PLXNA1: variants seen among roughly 807,000 people sequenced by gnomAD.
PLXNA1 encodes the protein plexin-A1.
Under a neutral mutation model 191.7 loss-of-function variants are expected in PLXNA1, and 77 were observed. That is an observed-to-expected ratio of 0.40 (90% confidence interval 0.33 to 0.49). PLXNA1 has a LOEUF of 0.49. Among genes scored for constraint, PLXNA1 ranks in the 20% least tolerant of loss-of-function variants. PLXNA1 has a pLI of 0.63. For synonymous variants in PLXNA1, 1,137 were observed against 1,156.4 expected, an observed-to-expected ratio of 0.98 and a Z score of 0.34; for missense variants, 2,110 against 2,660.2, an observed-to-expected ratio of 0.79 and a Z score of 4.55.
intron 15 of PLXNA1, among the ~76,000 whole-genome samples, chr3:127,016,277 C>T (rs1385776310): frequency 6.6e-6 from 1 of 152,132 alleles, no homozygotes; most frequent in East Asian, 1.9e-4. Context: ...GGAGAGGCGG[C>T]AGGCCGGGTC....
At chr3:127,020,684 C>G (rs1429168245) in intron 21 of PLXNA1, among the ~76,000 whole-genome samples, 1 of 152,230 alleles carries the variant, frequency 6.6e-6, no homozygotes, top group Non-Finnish European at 1.5e-5. Context: ...ACTTGTCAGC[C>G]TGGGCTTCTG....
chr3:127,022,804 T>C lies in PLXNA1; in HGVS notation c.4348T>C (p.Tyr1450His), dbSNP rs1312579273. 1.9e-6 allele frequency: 3 copies of C among 1,613,886 alleles called. No individual in the cohort carries two copies. Among genetic ancestry groups the C allele is most frequent in the African/African-American group, 1.3e-5 (1 of 75,030 alleles). ...AACTAACTGGTTCACCTTCCTCTTG[T>C]ATAAGTTCCTCAAGGTAAGCAGAGG... Reference protein sequence around the residue: ...MLTNWFTFLLYKFLKECAGEP... With the variant: ...MLTNWFTFLLHKFLKECAGEP... The change falls in exon 23 of 32, where the codon TAT (tyrosine) becomes CAT (histidine). Residue 1450 changes from tyrosine to histidine, a missense_variant. Physicochemically the swap from Tyr to His is moderately conservative, Grantham distance 83 (BLOSUM62 2). Around this residue, in one of 4 missense-constraint regions of PLXNA1, gnomAD observed 559 missense variants for 911.5 expected, o/e 0.61. Transcript: ENST00000393409.
Position 127,037,036 on chromosome 3 carries a change from G to C in PLXNA1, c.*3019G>C, listed in dbSNP as rs374309007. The stretch of plus-strand genomic sequence containing the variant: ...AGAGCCCGGAGCGGCGTGCCATCTC[G>C]GCTCGGCCTTGCTGAGAGCCTCCGC... On this transcript the variant is annotated 3_prime_UTR_variant, in exon 32 of 32. Transcript: ENST00000393409. 1 of 152,388 alleles carries C rather than the reference G, an allele frequency of 6.6e-6. No individual in the cohort carries two copies. Among genetic ancestry groups the C allele is most frequent in the Non-Finnish European group, 1.5e-5 (1 of 68,052 alleles). 9.4% of individuals were successfully genotyped at this position (152,388 alleles called of 1,614,324 possible).
rs1383714754 is a variant in PLXNA1, at chr3:127,029,523, C to G, written c.4857C>G (p.Ser1619=). 2 of 1,613,884 alleles carry G rather than the reference C, an allele frequency of 1.2e-6. No homozygotes were observed. Among genetic ancestry groups the G allele is most frequent in the Admixed American group, 3.3e-5 (2 of 60,026 alleles). ...CCAACTCCTCCACCTTCACCAAGTC[C>G]CTCAGCAGATACGGTGAGGGGCCAG... is the stretch of plus-strand genomic sequence containing the variant. ...NISNSSTFTK[S]LSRYESMLRT... is the part of the protein sequence containing the mutation. Residue 1619 remains serine, a synonymous_variant, in exon 27 of 32, where the codon TCC becomes TCG. Transcript: ENST00000393409.
intron 23 of PLXNA1, among the ~76,000 whole-genome samples, chr3:127,023,137 G>A (rs762686984): frequency 3.3e-5 from 5 of 152,204 alleles, no homozygotes; most frequent in Non-Finnish European, 7.3e-5. Flanking sequence ...GGGCCTCTGA[G>A]GGGCCAGCCT....
chr3:127,018,351 C>T lies in PLXNA1; in HGVS notation c.3718C>T (p.Leu1240=). The change falls in exon 20 of 32, where the codon CTG becomes TTG. Residue 1240 remains leucine (L), a synonymous_variant. Transcript: ENST00000393409. ...GACACTGCAGGTGTACTCGGACAGC[C>T]TGCTGACGCTGCCTGCCATTGTGGG... ...PGTLQVYSDS[L]LTLPAIVGIG... 1 of 1,612,942 alleles carries T rather than the reference C, an allele frequency of 6.2e-7. No individual in the cohort carries two copies. The highest frequency in any genetic ancestry group is 8.5e-7 in the Non-Finnish European group (1 of 1,179,960).
At position 126,988,127 on chromosome 3, in the gene PLXNA1, G is replaced by A. The variant is rs143063237; in HGVS notation, c.-73-394G>A. Among the ~76,000 whole-genome samples, 394 of 152,246 alleles carry A rather than the reference G, an allele frequency of 2.6e-3. 3 individuals are homozygous for A. The highest frequency in any genetic ancestry group is 2.8e-3 in the Non-Finnish European group (189 of 67,982). ...CCCTGGGAGTACAGAGCTGTGGGGAGGGTCCTGCTCCCCAGTGCATAGGGA... is the reference window on the plus strand; with the variant it reads ...CCCTGGGAGTACAGAGCTGTGGGGAAGGTCCTGCTCCCCAGTGCATAGGGA... On this transcript the variant is annotated intron_variant, in intron 1 of 31. Coordinates refer to ENST00000393409, the MANE Select transcript of PLXNA1 (RefSeq NM_032242.4).
chr3:127,011,846 T>G, intron 9 of PLXNA1, 112 bp from the exon 10 acceptor site: 1 of 1,013,534 alleles, frequency 9.9e-7, no homozygotes, highest in Non-Finnish European at 1.5e-6. Context: ...AATGGGCACA[T>G]TGGTGCTTGG....
chr3:127,033,195 C>T (rs1277907670), intron 31 of PLXNA1, among the ~76,000 whole-genome samples: 4 of 152,214 alleles, frequency 2.6e-5, no homozygotes, highest in South Asian at 2.1e-4. Context: ...GGCATAGGCT[C>T]TTGGCAGAGC....
rs567923965 is a variant in PLXNA1 at position 126,983,845 on chromosome 3, C to T, written c.-74+558C>T. 6.6e-3 allele frequency among the ~76,000 whole-genome samples: 1,009 copies of T among 152,088 alleles called. 7 individuals carry two copies. Among genetic ancestry groups the T allele is most frequent in the Non-Finnish European group, 0.011 (739 of 67,924 alleles). On this transcript the variant is annotated intron_variant, in intron 1 of 31. Transcript: ENST00000393409. ...GAGCCTCCCAGCAGGGCCGCGGGGG[C>T]CGGAGGAGGTCGTGCAGGCTAAGCC...
In PLXNA1 at chr3:127,037,068, T is replaced by G. The variant is rs931489890; in HGVS notation, c.*3051T>G. ...CCTTGCTGAGAGCCTCCGCCCTGGC[T>G]TTCTCCCTGTCTGGATTCAGTGGCT... On this transcript the variant is annotated 3_prime_UTR_variant, in exon 32 of 32. Coordinates refer to ENST00000393409, the MANE Select transcript of PLXNA1 (RefSeq NM_032242.4). 2 of 152,478 alleles carry G rather than the reference T, an allele frequency of 1.3e-5. No homozygotes were observed. The highest frequency in any genetic ancestry group is 2.9e-5 in the Non-Finnish European group (2 of 68,052). 9.4% of individuals were successfully genotyped at this position (152,478 alleles called of 1,614,324 possible).
At chr3:126,983,340 G>C (rs1451527288) in intron 1 of PLXNA1, among the ~76,000 whole-genome samples, 53 bp downstream of exon 1, 1 of 144,854 alleles carries the variant, frequency 6.9e-6, no homozygotes, top group Non-Finnish European at 1.5e-5. Context: ...CGGGGGCCGG[G>C]CCGGGCTGGG....
chr3:127,013,044 G>A (rs1219935221), intron 10 of PLXNA1, among the ~76,000 whole-genome samples: 1 of 152,218 alleles, frequency 6.6e-6, no homozygotes, highest in Non-Finnish European at 1.5e-5. Context: ...GGAGCCCCTT[G>A]GCTGACCCCT....
intron 8 of PLXNA1, among the ~76,000 whole-genome samples, chr3:127,006,962 G>A (rs1045703874): frequency 1.3e-5 from 2 of 152,310 alleles, no homozygotes; most frequent in South Asian, 2.1e-4. Context: ...GGCTTTTCAG[G>A]TATGCTTTTG....
intron 22 of PLXNA1, 143 bp from the exon 23 acceptor site, chr3:127,022,609 G>A: frequency 1.2e-6 from 1 of 847,336 alleles, no homozygotes; most frequent in African/African-American, 1.7e-5. Flanking sequence ...GCCCACTCAT[G>A]TGGGTGCCTT....
At chr3:127,015,098 G>A (rs1657875941) in intron 14 of PLXNA1, 86 bp from the exon 15 acceptor site, 2 of 1,529,302 alleles carry the variant, frequency 1.3e-6, no homozygotes, top group African/African-American at 2.7e-5. Flanking sequence ...ACTGTCTGTG[G>A]GGGTAAGCAG....
Position 127,014,576 on chromosome 3 carries a change from C to G in PLXNA1, c.2703C>G (p.Arg901=). ...LRFEDVRLGV[R]VGKVLCSPVE... ...TCGAAGACGTGCGTCTGGGCGTGCGCGTGGGCAAGGTGCTGTGCAGCCCTG... is the reference window on the plus strand; with the variant it reads ...TCGAAGACGTGCGTCTGGGCGTGCGGGTGGGCAAGGTGCTGTGCAGCCCTG... The change falls in exon 13 of 32, where the codon CGC becomes CGG. Residue 901 remains arginine, a synonymous_variant. Coordinates refer to ENST00000393409, the MANE Select transcript of PLXNA1 (RefSeq NM_032242.4). 1 of 1,613,056 alleles carries G rather than the reference C, an allele frequency of 6.2e-7. No individual in the cohort carries two copies. Among genetic ancestry groups the G allele is most frequent in the Non-Finnish European group, 8.5e-7 (1 of 1,179,850 alleles).
chr3:127,032,766 A>C lies in PLXNA1; in HGVS notation c.5525A>C (p.His1842Pro). ...TATCTGGCTGAGCAGTCCCGCCTGC[A>C]CCTGAGCCAGTTCAACAGCATGAGC... is the stretch of plus-strand genomic sequence containing the variant. ...SAYLAEQSRL[H>P]LSQFNSMSAL... The change falls in exon 31 of 32, where the codon CAC (histidine) becomes CCC (proline). Residue 1842 changes from histidine (H) to proline (P), a missense_variant. His to Pro is a moderately conservative substitution (Grantham distance 77). Around this residue, in one of 4 missense-constraint regions of PLXNA1, gnomAD observed 559 missense variants for 911.5 expected, o/e 0.61. Transcript: ENST00000393409. 6.2e-7 allele frequency: 1 copy of C among 1,613,500 alleles called. No individual in the cohort carries two copies. Among genetic ancestry groups the C allele is most frequent in the Non-Finnish European group, 8.5e-7 (1 of 1,180,018 alleles).
intron 3 of PLXNA1, among the ~76,000 whole-genome samples, chr3:126,992,839 T>C (rs1217575928): frequency 2.0e-5 from 3 of 152,148 alleles, no homozygotes. Flanking sequence ...CCTGTGGCTC[T>C]GGTGCGAGGC....
Sources: allele counts gnomAD v4.1 joint callset (sites outside exome capture counted in the v4.1 genomes callset), GRCh38; gene constraint gnomAD v4.1.1; regional missense constraint gnomAD v4.1.1; transcripts MANE v1.5; gene names NCBI Gene and HGNC (gene_info 2026-07-23, HGNC 2026-07-21).